ST6GALNAC2: variants seen among roughly 807,000 people sequenced by gnomAD.
The protein encoded by ST6GALNAC2 is ST6 N-acetylgalactosaminide alpha-2,6-sialyltransferase 2.
Under a neutral mutation model 38.7 loss-of-function variants are expected in ST6GALNAC2, and 42 were observed. That is an observed-to-expected ratio of 1.09 (90% CI 0.85 to 1.40). ST6GALNAC2 has a LOEUF of 1.40. Ranked by LOEUF, ST6GALNAC2 falls within the 40% of genes most tolerant of loss-of-function variation. The probability of loss-of-function intolerance (pLI) is 0.00; values close to 1 mark genes in which losing one functional copy is unlikely to be tolerated. For synonymous variants in ST6GALNAC2, 233 were observed against 209.0 expected, an observed-to-expected ratio of 1.11 and a Z score of -0.99; for missense variants, 506 against 481.7, an observed-to-expected ratio of 1.05 and a Z score of -0.47.
rs1208485985 is a variant in ST6GALNAC2 at position 76,565,557 on chromosome 17, G to A, written c.*547C>T. Reference sequence around the variant, plus strand: ...ATGCTAAACAGCCTGCGTTTTATATGATTTCTCTACCCAGCCAAAAAAAAA... The same window carrying A: ...ATGCTAAACAGCCTGCGTTTTATATAATTTCTCTACCCAGCCAAAAAAAAA... On this transcript the variant is annotated 3_prime_UTR_variant, in exon 9 of 9. Transcript: ENST00000225276. 7.1e-6 allele frequency: 1 copy of A among 141,264 alleles called. No homozygotes were observed. The highest frequency in any genetic ancestry group is 1.5e-5 in the Non-Finnish European group (1 of 64,642). The allele number at this position is 141,264 out of a possible 1,614,324, so 8.8% of individuals were successfully genotyped here.
At position 76,574,492 on chromosome 17, in the gene ST6GALNAC2, G is replaced by C. The variant is rs763681442; in HGVS notation, c.234C>G (p.Pro78=). 9 of 1,613,646 alleles carry C rather than the reference G, an allele frequency of 5.6e-6. No homozygotes were observed. The Admixed American group carries it at 6.7e-5, about 12-fold the overall frequency. Residue 78 remains proline, a synonymous_variant, in exon 3 of 9, where the codon CCC becomes CCG. Coordinates refer to ENST00000225276, the MANE Select transcript of ST6GALNAC2 (RefSeq NM_006456.3). The part of the protein sequence containing the change: ...HLLHLAIQRH[P]HFRGLFNLSI... ...AGAGATTGAACAGGCCACGGAAGTG[G>C]GGGTGCCGCTGAATGGCCAGGTGAA... is the stretch of plus-strand genomic sequence containing the variant.
intron 3 of ST6GALNAC2, 68 bp downstream of exon 3, chr17:76,574,297 G>T: frequency 6.5e-7 from 1 of 1,549,780 alleles, no homozygotes; most frequent in East Asian, 2.3e-5. Flanking sequence ...GAGAGGCCTG[G>T]CCTACTTCAG....
At chr17:76,569,543 G>T in intron 6 of ST6GALNAC2, 1 of 395,280 alleles carries the variant, frequency 2.5e-6, no homozygotes, top group South Asian at 1.3e-4. Flanking sequence ...GTGGGGGAGG[G>T]GGAAGGGGCA....
At chr17:76,582,057 G>A (rs567267187) in intron 1 of ST6GALNAC2, among the ~76,000 whole-genome samples, 1 of 151,436 alleles carries the variant, frequency 6.6e-6, no homozygotes, top group East Asian at 1.9e-4. Context: ...TAGTAGAGAC[G>A]AGTTTCACCA....
chr17:76,583,627 C>T (rs1280003824), intron 1 of ST6GALNAC2, among the ~76,000 whole-genome samples: 16 of 147,998 alleles, frequency 1.1e-4, no homozygotes, highest in Admixed American at 8.1e-4. Context: ...TTCTTTTCTG[C>T]TCCTTGTGGA....
At chr17:76,574,822 G>T (rs1003243564) in intron 2 of ST6GALNAC2, among the ~76,000 whole-genome samples, 3 of 151,968 alleles carry the variant, frequency 2.0e-5, no homozygotes, top group African/African-American at 7.3e-5. Context: ...GTCTACAGGC[G>T]CCCGCCACCA....
At position 76,567,540 on chromosome 17, in the gene ST6GALNAC2, T is replaced by A; in HGVS notation, c.870A>T (p.Ser290=). ...CTCCAAAATGTGTGTTAATCAACTT[T>A]GATTTCAAGAACCTGGAAGCAAAAA... ...ISYLTERFLK[S]KLINTHFGDL... Residue 290 remains serine (S), a synonymous_variant, in exon 8 of 9, where the codon TCA becomes TCT. Transcript: ENST00000225276. 1 of 1,613,492 alleles carries A rather than the reference T, an allele frequency of 6.2e-7. No individual in the cohort carries two copies. Among genetic ancestry groups the A allele is most frequent in the African/African-American group, 1.3e-5 (1 of 75,036 alleles).
At chr17:76,578,729 C>T (rs749326331) in intron 2 of ST6GALNAC2, 27 bp downstream of exon 2, 13 of 1,603,932 alleles carry the variant, frequency 8.1e-6, no homozygotes, top group Non-Finnish European at 1.1e-5. Flanking sequence ...GTGCTCAAAA[C>T]TGCCACAGGG....
intron 2 of ST6GALNAC2, among the ~76,000 whole-genome samples, chr17:76,576,503 G>T (rs555311369): frequency 6.6e-6 from 1 of 152,152 alleles, no homozygotes; most frequent in Non-Finnish European, 1.5e-5. Flanking sequence ...GTCTGAAATC[G>T]GAGGGAATTG....
intron 8 of ST6GALNAC2, 106 bp downstream of exon 8, chr17:76,567,345 CAG>C: frequency 1.3e-6 from 1 of 777,814 alleles, no homozygotes; most frequent in Non-Finnish European, 2.2e-6. Flanking sequence ...ATTCCACGAA[CAG>C]AGGCCAAGAG....
chr17:76,570,508 CCA>C, intron 6 of ST6GALNAC2, 55 bp downstream of exon 6: 1 of 1,279,850 alleles, frequency 7.8e-7, no homozygotes, highest in Non-Finnish European at 1.1e-6. Flanking sequence ...AAGGAGATAA[CCA>C]CAGTGTCCCT....
rs2075445926 is a variant in ST6GALNAC2, at chr17:76,578,827, A to G, written c.126-11T>C. The G allele has an allele frequency of 6.2e-7, 1 of 1,612,086 alleles. No individual in the cohort carries two copies. Among genetic ancestry groups the G allele is most frequent in the South Asian group, 1.1e-5 (1 of 90,812 alleles). ...AATGATGTGGTGTCCCTGGGGGAAA[A>G]AGCAGAAAAAAGCAGGGGTCAGCAG... On this transcript the variant is annotated splice_polypyrimidine_tract_variant and intron_variant, in intron 1 of 8. Transcript: ENST00000225276.
Position 76,573,448 on chromosome 17 carries a change from A to G in ST6GALNAC2, c.362-85T>C, listed in dbSNP as rs1234275885. 15 of 1,336,134 alleles carry G rather than the reference A, an allele frequency of 1.1e-5. No homozygotes were observed. The highest frequency in any genetic ancestry group is 1.5e-5 in the Non-Finnish European group (15 of 1,012,158). 82.8% of individuals were successfully genotyped at this position (1,336,134 alleles called of 1,614,324 possible). A position where few individuals can be genotyped will look rare whatever the true frequency, so the allele number is the denominator to read the frequency against. On this transcript the variant is annotated intron_variant, in intron 3 of 8. Transcript: ENST00000225276. This position sits in a 1 kb window ranked among gnomAD's most constrained non-coding sequence, Gnocchi z 5.1. ...TTCCCTAGGCTGGTTCTGGTGCCCCATCTCCCCTGAGGCCTGACCCTAGCC... is the reference window on the plus strand; with the variant it reads ...TTCCCTAGGCTGGTTCTGGTGCCCCGTCTCCCCTGAGGCCTGACCCTAGCC...
chr17:76,567,540 T>G lies in ST6GALNAC2; in HGVS notation c.870A>C (p.Ser290=). The change falls in exon 8 of 9, where the codon TCA becomes TCC. Residue 290 remains serine, a synonymous_variant. Transcript: ENST00000225276. ...CTCCAAAATGTGTGTTAATCAACTT[T>G]GATTTCAAGAACCTGGAAGCAAAAA... ...ISYLTERFLK[S]KLINTHFGDL... is the part of the protein sequence containing the mutation. 1 of 1,613,492 alleles carries G rather than the reference T, an allele frequency of 6.2e-7. No individual in the cohort carries two copies. Among genetic ancestry groups the G allele is most frequent in the Middle Eastern group, 1.7e-4 (1 of 6,060 alleles).
At chr17:76,579,217 C>T (rs1453718655) in intron 1 of ST6GALNAC2, among the ~76,000 whole-genome samples, 1 of 152,252 alleles carries the variant, frequency 6.6e-6, no homozygotes, top group Non-Finnish European at 1.5e-5. Context: ...CTGCGCCCAG[C>T]TCTGTGCTCT....
chr17:76,584,241 G>A (rs1290677220), intron 1 of ST6GALNAC2, among the ~76,000 whole-genome samples: 2 of 148,376 alleles, frequency 1.3e-5, no homozygotes, highest in African/African-American at 5.0e-5. Flanking sequence ...TGCCCAGGCT[G>A]GAGTGCAGTG....
chr17:76,585,773 C>A lies in ST6GALNAC2; in HGVS notation c.36G>T (p.Leu12=). ...CCGAGCAGGCAGCCGTGAGCAGGAG[C>A]AGCAGCCAGAAGAACGACCCGCGCG... ...GLPRGSFFWL[L]LLLTAACSGL... The change falls in exon 1 of 9, where the codon CTG becomes CTT. Residue 12 remains leucine, a synonymous_variant. Coordinates refer to ENST00000225276, the MANE Select transcript of ST6GALNAC2 (RefSeq NM_006456.3). 6.4e-7 allele frequency: 1 copy of A among 1,555,480 alleles called. No individual in the cohort carries two copies.
At chr17:76,567,279 C>T (rs545581130) in intron 8 of ST6GALNAC2, among the ~76,000 whole-genome samples, 174 bp downstream of exon 8, 2 of 152,288 alleles carry the variant, frequency 1.3e-5, no homozygotes, top group African/African-American at 4.8e-5. Flanking sequence ...CCTTCAAAGG[C>T]CCCAGGGTTG....
intron 6 of ST6GALNAC2, chr17:76,569,257 G>A (rs1248376252): frequency 1.6e-5 from 6 of 382,616 alleles, no homozygotes; most frequent in Non-Finnish European, 2.7e-5. Flanking sequence ...GATATAGGAC[G>A]GGATGTTCTG....
Sources: allele counts gnomAD v4.1 joint callset (sites outside exome capture counted in the v4.1 genomes callset), GRCh38; gene constraint gnomAD v4.1.1; non-coding constraint Gnocchi (gnomAD v3.1); transcripts MANE v1.5; gene names NCBI Gene and HGNC (gene_info 2026-07-23, HGNC 2026-07-21).